Variants in DOCK2 observed in about 807,000 individuals in gnomAD.
The protein encoded by DOCK2 is dedicator of cytokinesis 2, also known as dedicator of cytokinesis protein 2.
A neutral mutation model predicts 248.9 loss-of-function variants in DOCK2; 87 were observed. The observed-to-expected ratio is 0.35, with a 90% CI of 0.29 to 0.42. The LOEUF (loss-of-function observed/expected upper bound fraction) is 0.42. Among genes scored for constraint, DOCK2 ranks in the 10% least tolerant of loss-of-function variants. The pLI, the probability that DOCK2 is intolerant of heterozygous loss-of-function variation, is 1.00. For synonymous variants in DOCK2, 805 were observed against 821.6 expected (o/e 0.98, Z 0.35); for missense variants, 1,747 against 2,300.2 (o/e 0.76, Z 4.92).
At chr5:170,032,950 G>A (rs1379781763) in intron 34 of DOCK2, among the ~76,000 whole-genome samples, 1 of 152,036 alleles carries the variant, frequency 6.6e-6, no homozygotes, top group Non-Finnish European at 1.5e-5. Context: ...AACACGCTCT[G>A]GTGTTTCTCT....
intron 27 of DOCK2, among the ~76,000 whole-genome samples, chr5:169,932,214 C>T (rs1581436588): frequency 6.6e-6 from 1 of 152,124 alleles, no homozygotes; most frequent in East Asian, 1.9e-4. Flanking sequence ...CACACACACA[C>T]AGAGTAAGGA....
At chr5:170,068,614 A>C (rs1191620183) in intron 45 of DOCK2, among the ~76,000 whole-genome samples, 3 of 152,204 alleles carry the variant, frequency 2.0e-5, no homozygotes, top group Non-Finnish European at 4.4e-5. Flanking sequence ...ATACATGAGC[A>C]CACACTAAGG....
At chr5:169,906,374 C>A (rs930444659) in intron 27 of DOCK2, among the ~76,000 whole-genome samples, 1 of 152,138 alleles carries the variant, frequency 6.6e-6, no homozygotes, top group African/African-American at 2.4e-5. Flanking sequence ...AGCAAACGGG[C>A]GTTCATCTCA....
intron 46 of DOCK2, among the ~76,000 whole-genome samples, chr5:170,072,174 G>A (rs1337216440): frequency 6.6e-6 from 1 of 152,082 alleles, no homozygotes; most frequent in Non-Finnish European, 1.5e-5. Flanking sequence ...TAGCATGTGA[G>A]GATATTCAGC....
In DOCK2 at chr5:170,081,929, A is replaced by G; in HGVS notation, c.5375A>G (p.Asp1792Gly). ...RLSQTFLQLS[D>G]GDKKTLTRKK... ...AGCCAGACCTTCCTCCAACTCTCAG[A>G]TGGTGACAAGAAGACACTCACACGG... is the stretch of plus-strand genomic sequence containing the variant. Residue 1792 changes from aspartate to glycine, a missense_variant, in exon 51 of 52, where the codon GAT (aspartate) becomes GGT (glycine). This residue lies in a region of DOCK2 where 513 missense variants were observed against 586.1 expected (regional missense o/e 0.88). Transcript: ENST00000520908. The G allele has an allele frequency of 1.2e-6, 2 of 1,614,156 alleles. No individual in the cohort carries two copies. Among genetic ancestry groups the G allele is most frequent in the Non-Finnish European group, 8.5e-7 (1 of 1,180,034 alleles).
chr5:169,853,244 A>G (rs1199181198), intron 27 of DOCK2, among the ~76,000 whole-genome samples: 1 of 152,170 alleles, frequency 6.6e-6, no homozygotes, highest in Non-Finnish European at 1.5e-5. Flanking sequence ...TGTTTTGTAC[A>G]TTGTCCAGTC....
chr5:169,731,881 A>T (rs1224425988), intron 22 of DOCK2, among the ~76,000 whole-genome samples: 2 of 152,004 alleles, frequency 1.3e-5, no homozygotes, highest in South Asian at 4.1e-4. Context: ...GCACTTTGGG[A>T]GGCTGAGGTG....
intron 27 of DOCK2, among the ~76,000 whole-genome samples, chr5:169,953,738 C>T (rs1413090426): frequency 6.6e-6 from 1 of 152,134 alleles, no homozygotes. Context: ...ACCTCCCTCC[C>T]TTCTCAACCT....
At chr5:169,752,179 T>C (rs1028531199) in intron 23 of DOCK2, among the ~76,000 whole-genome samples, 2 of 152,146 alleles carry the variant, frequency 1.3e-5, no homozygotes. Context: ...GTAAAAGACA[T>C]ATGGCGATGT....
chr5:169,836,435 T>C, intron 26 of DOCK2, among the ~76,000 whole-genome samples: 1 of 151,748 alleles, frequency 6.6e-6, no homozygotes, highest in South Asian at 2.1e-4. Context: ...GCAAGTTAAC[T>C]ACTAACTCTG....
chr5:169,866,503 G>A (rs759581592), intron 27 of DOCK2, among the ~76,000 whole-genome samples: 6 of 152,234 alleles, frequency 3.9e-5, no homozygotes, highest in Non-Finnish European at 7.3e-5. Context: ...TAGGCACCAA[G>A]TATCCAGTCA....
At chr5:169,686,212 A>C (rs1177434499) in intron 8 of DOCK2, among the ~76,000 whole-genome samples, 14 of 152,196 alleles carry the variant, frequency 9.2e-5, no homozygotes. Flanking sequence ...CCTTAGAAGC[A>C]ACCGAGAGGA....
intron 25 of DOCK2, among the ~76,000 whole-genome samples, chr5:169,766,164 G>T (rs1020850202): frequency 6.6e-6 from 1 of 151,878 alleles, no homozygotes; most frequent in Admixed American, 6.6e-5. Flanking sequence ...AGATAATTTT[G>T]TCACCCAGGT....
At position 169,846,271 on chromosome 5, in the gene DOCK2, A is replaced by G. The variant is rs560211575; in HGVS notation, c.2799+5419A>G. Among the ~76,000 whole-genome samples the G allele has an allele frequency of 2.5e-3, 377 of 152,268 alleles. 19 individuals are homozygous for G. The South Asian group carries it at 0.074, about 30-fold the overall frequency. ...TTTTTTCTTCTTTTCAGGGATAGGA[A>G]CATTGCAGTAAAAGGTTTTAGCCAC... On this transcript the variant is annotated intron_variant, in intron 27 of 51. Transcript: ENST00000520908.
In DOCK2 at chr5:169,888,726, C is replaced by T. The variant is rs575665737; in HGVS notation, c.2799+47874C>T. Among the ~76,000 whole-genome samples, 106 of 152,286 alleles carry T rather than the reference C, an allele frequency of 7.0e-4. 1 individual carries two copies. The South Asian group carries it at 0.014, about 20-fold the overall frequency. ...ACAAGTGACTTGATCTTTGTAAAAC[C>T]GCCTAAACTGGTTGTGAGAATTAAA... On this transcript the variant is annotated intron_variant, in intron 27 of 51. Transcript: ENST00000520908.
intron 1 of DOCK2, among the ~76,000 whole-genome samples, chr5:169,647,616 C>T (rs560749772): frequency 3.9e-5 from 6 of 152,226 alleles, no homozygotes; most frequent in East Asian, 3.9e-4. Flanking sequence ...CTCCCTGGGA[C>T]TCCATTAAGA....
intron 35 of DOCK2, among the ~76,000 whole-genome samples, chr5:170,034,918 G>A (rs191638887): frequency 6.6e-6 from 1 of 152,272 alleles, no homozygotes; most frequent in Admixed American, 6.5e-5. Context: ...ACAAGCTAAG[G>A]AAATGTTCTG....
chr5:169,804,259 C>CA (rs1767170625), intron 26 of DOCK2, among the ~76,000 whole-genome samples: 1 of 152,178 alleles, frequency 6.6e-6, no homozygotes, highest in African/African-American at 2.4e-5. Flanking sequence ...ACTTACCATC[C>CA]CAATTAAGCC....
At chr5:169,922,940 A>G (rs1188092348) in intron 27 of DOCK2, among the ~76,000 whole-genome samples, 2 of 152,246 alleles carry the variant, frequency 1.3e-5, no homozygotes, top group East Asian at 3.8e-4. Context: ...TTGTCATTAC[A>G]GGCAAGCTTC....
Sources: gnomAD v4.1 joint callset for allele counts (sites outside exome capture counted in the v4.1 genomes callset) on GRCh38, gnomAD v4.1.1 for gene constraint, gnomAD v4.1.1 regional missense constraint, MANE v1.5 for transcripts, NCBI Gene and HGNC (gene_info 2026-07-23, HGNC 2026-07-21) for gene names.